Variants in ZNF438 observed in about 807,000 individuals in gnomAD.
ZNF438 encodes the protein zinc finger protein 438.
In ZNF438, 25 loss-of-function variants were observed where a neutral mutation model predicts 38.0. The ratio of observed to expected loss-of-function variants is 0.66; its 90% CI spans 0.48 to 0.92. The LOEUF is 0.92. Among genes scored for constraint, ZNF438 ranks in the 40% least tolerant of loss-of-function variants. The pLI, the probability that ZNF438 is intolerant of heterozygous loss-of-function variation, is 0.00. For synonymous variants in ZNF438, 372 were observed against 364.1 expected, an observed-to-expected ratio of 1.02 and a Z score of -0.25; for missense variants, 1,007 against 999.6, an observed-to-expected ratio of 1.01 and a Z score of -0.10.
chr10:30,950,364 C>T (rs1290920855), intron 1 of ZNF438, among the ~76,000 whole-genome samples: 28 of 148,792 alleles, frequency 1.9e-4, no homozygotes, highest in African/African-American at 6.4e-4. Flanking sequence ...CAAACACATT[C>T]AAAAGCTAGC....
intron 4 of ZNF438, among the ~76,000 whole-genome samples, chr10:30,866,253 G>A (rs1042723473): frequency 2.0e-5 from 3 of 152,124 alleles, no homozygotes; most frequent in South Asian, 2.1e-4. Context: ...CAATTCAGCC[G>A]TAAAGCTGAC....
intron 3 of ZNF438, among the ~76,000 whole-genome samples, chr10:30,890,760 T>C (rs1266074012): frequency 6.6e-6 from 1 of 152,262 alleles, no homozygotes; most frequent in East Asian, 1.9e-4. Flanking sequence ...CTCAGAGACA[T>C]GCACTCTCAA....
intron 1 of ZNF438, among the ~76,000 whole-genome samples, chr10:30,982,837 G>C (rs1486274407): frequency 6.6e-6 from 1 of 152,098 alleles, no homozygotes; most frequent in Non-Finnish European, 1.5e-5. Flanking sequence ...GTCCATTTTA[G>C]AAACTGAGAA....
exon 6 of ZNF438, chr10:30,844,760 C>T (rs546990976): frequency 6.5e-6 from 4 of 611,590 alleles, no homozygotes; most frequent in Non-Finnish European, 1.1e-5. Context: ...TAAAATAAGA[C>T]TGCATATAGT....
intron 2 of ZNF438, among the ~76,000 whole-genome samples, chr10:30,932,665 T>C (rs1485717095): frequency 6.6e-6 from 1 of 152,180 alleles, no homozygotes; most frequent in Non-Finnish European, 1.5e-5. Flanking sequence ...AAATATGCCA[T>C]CAGTTATGGG....
intron 2 of ZNF438, among the ~76,000 whole-genome samples, chr10:30,933,640 A>G (rs2045925868): frequency 6.6e-6 from 1 of 152,150 alleles, no homozygotes; most frequent in African/African-American, 2.4e-5. Flanking sequence ...TAATTAAAAT[A>G]AAAAACATTA....
chr10:30,938,460 G>C (rs2046483485), intron 2 of ZNF438, among the ~76,000 whole-genome samples: 1 of 151,786 alleles, frequency 6.6e-6, no homozygotes, highest in Non-Finnish European at 1.5e-5. Context: ...ATTTTTAGTA[G>C]AGATGGGGTT....
At chr10:30,981,591 G>C (rs1180784785) in intron 1 of ZNF438, among the ~76,000 whole-genome samples, 1 of 152,074 alleles carries the variant, frequency 6.6e-6, no homozygotes, top group Non-Finnish European at 1.5e-5. Context: ...CATAGAAAAT[G>C]TTCAGGCCGG....
intron 1 of ZNF438, among the ~76,000 whole-genome samples, chr10:30,963,630 T>A (rs1444937035): frequency 6.6e-6 from 1 of 152,020 alleles, no homozygotes; most frequent in African/African-American, 2.4e-5. Context: ...TCCCAGCACT[T>A]TGGGAGGCCA....
intron 1 of ZNF438, among the ~76,000 whole-genome samples, chr10:30,987,781 C>T (rs2053010301): frequency 6.6e-6 from 1 of 152,036 alleles, no homozygotes; most frequent in Non-Finnish European, 1.5e-5. Context: ...AGAAGCAGGC[C>T]CTCACCAGAA....
At chr10:30,953,671 A>G (rs11008314) in intron 1 of ZNF438, among the ~76,000 whole-genome samples, 4 of 29,538 alleles carry the variant, frequency 1.4e-4, no homozygotes, top group Non-Finnish European at 2.6e-4. Context: ...CACACACACA[A>G]AAAAAAAACA....
chr10:30,950,255 A>G (rs1254242662), intron 1 of ZNF438, among the ~76,000 whole-genome samples: 62 of 152,176 alleles, frequency 4.1e-4, no homozygotes, highest in Non-Finnish European at 7.3e-5. Flanking sequence ...AGCAGCGTGT[A>G]AAGGGAAATT....
intron 2 of ZNF438, among the ~76,000 whole-genome samples, chr10:30,914,777 T>C (rs2043425741): frequency 6.6e-6 from 1 of 151,880 alleles, no homozygotes; most frequent in Admixed American, 6.6e-5. Flanking sequence ...GAAAGGGAGA[T>C]TTAGGTAGAC....
chr10:30,880,808 T>C (rs1296639784), intron 3 of ZNF438, among the ~76,000 whole-genome samples: 1 of 152,088 alleles, frequency 6.6e-6, no homozygotes, highest in Non-Finnish European at 1.5e-5. Flanking sequence ...AGTAGAGATA[T>C]CCAGGAATAC....
In ZNF438 at chr10:30,848,987, G is replaced by C. The variant is rs748079480; in HGVS notation, c.1418C>G (p.Ser473Ter). 1 of 1,614,146 alleles carries C rather than the reference G, an allele frequency of 6.2e-7. No individual in the cohort carries two copies. The highest frequency in any genetic ancestry group is 1.1e-5 in the South Asian group (1 of 91,076). ...ACAGCCAAGATATTTAGGAGTGAGT[G>C]AATTATTTAACAAAACATCCTGTCC... The change falls in exon 5 of 6, where the codon TCA (serine) becomes TGA (stop). Residue 473 changes from serine to a stop codon, truncating the protein, a stop_gained. Transcript: ENST00000413025. LOFTEE classifies it high-confidence loss of function.
intron 2 of ZNF438, among the ~76,000 whole-genome samples, chr10:30,926,931 C>T (rs2045007834): frequency 6.6e-6 from 1 of 152,028 alleles, no homozygotes; most frequent in Non-Finnish European, 1.5e-5. Context: ...GTTAATTTTC[C>T]GATGGCCATA....
At chr10:30,858,290 T>C (rs958106625) in intron 4 of ZNF438, among the ~76,000 whole-genome samples, 2 of 152,252 alleles carry the variant, frequency 1.3e-5, no homozygotes, top group African/African-American at 4.8e-5. Flanking sequence ...TCCCTGCCAC[T>C]TGGCTTTCAA....
intron 1 of ZNF438, among the ~76,000 whole-genome samples, chr10:30,965,828 G>A (rs1440794153): frequency 1.3e-5 from 2 of 152,146 alleles, no homozygotes; most frequent in African/African-American, 2.4e-5. Flanking sequence ...CAGTACCTAG[G>A]TGACAGGATC....
intron 1 of ZNF438, among the ~76,000 whole-genome samples, chr10:30,974,786 G>A (rs1016959295): frequency 6.6e-6 from 1 of 152,216 alleles, no homozygotes; most frequent in African/African-American, 2.4e-5. Context: ...TTTAAAGTTA[G>A]AAAGGATCTT....
Sources: gnomAD v4.1 joint callset for allele counts (sites outside exome capture counted in the v4.1 genomes callset) on GRCh38, gnomAD v4.1.1 for gene constraint, MANE v1.5 for transcripts, NCBI Gene and HGNC (gene_info 2026-07-23, HGNC 2026-07-21) for gene names.